PTPRG: variants seen among roughly 807,000 people sequenced by gnomAD.
PTPRG encodes protein tyrosine phosphatase receptor type G.
Under a neutral mutation model 165.3 loss-of-function variants are expected in PTPRG, and 102 were observed. That is an observed-to-expected ratio of 0.62 (90% confidence interval 0.53 to 0.73). The LOEUF (loss-of-function observed/expected upper bound fraction) is 0.73, where lower values mean the gene tolerates loss of function less well. PTPRG is among the 30% of genes least tolerant of loss of function. PTPRG has a pLI of 0.00. For missense variants in PTPRG, 1,866 were observed against 1,861.4 expected, an observed-to-expected ratio of 1.00 and a Z score of -0.05; for synonymous variants, 675 against 669.5, an observed-to-expected ratio of 1.01 and a Z score of -0.13.
intron 2 of PTPRG, among the ~76,000 whole-genome samples, chr3:61,979,475 C>G (rs958844393): frequency 3.3e-5 from 5 of 152,152 alleles, no homozygotes; most frequent in Non-Finnish European, 7.3e-5. Context: ...GAGAAATTAA[C>G]AAAGCTAACA....
intron 1 of PTPRG, among the ~76,000 whole-genome samples, chr3:61,745,760 G>C (rs2033174117): frequency 6.6e-6 from 1 of 152,200 alleles, no homozygotes; most frequent in South Asian, 2.1e-4. Context: ...AAGGCATAGG[G>C]TTGGTTGGTT....
chr3:61,563,906 C>A (rs1330629663), intron 1 of PTPRG, among the ~76,000 whole-genome samples: 1 of 152,200 alleles, frequency 6.6e-6, no homozygotes. Context: ...TATTCTGCAC[C>A]CCCTTTTCTC....
At chr3:62,281,824 C>A in intron 27 of PTPRG, 115 bp downstream of exon 27, 1 of 1,042,386 alleles carries the variant, frequency 9.6e-7, no homozygotes, top group Non-Finnish European at 1.3e-6. Context: ...TTGAGTAAGA[C>A]TTAATTTTAA....
At chr3:62,065,316 C>T (rs140228853) in intron 4 of PTPRG, among the ~76,000 whole-genome samples, 48 of 152,148 alleles carry the variant, frequency 3.2e-4, no homozygotes, top group African/African-American at 1.0e-3. Context: ...CTTGAAGATT[C>T]CAGGGAAGTC....
At chr3:61,701,353 G>A (rs1185628120) in intron 1 of PTPRG, among the ~76,000 whole-genome samples, 2 of 152,198 alleles carry the variant, frequency 1.3e-5, no homozygotes, top group African/African-American at 4.8e-5. Flanking sequence ...GGCACAGGAT[G>A]CTGCTGGGCT....
rs1701487645 is a variant in PTPRG, at chr3:62,254,369, G to A, written c.2468-755G>A. On this transcript the variant is annotated intron_variant, in intron 15 of 29. Transcript: ENST00000474889. This position sits in a 1 kb window ranked among gnomAD's most constrained non-coding sequence, Gnocchi z 4.6. ...AGTTGGGTGTGGCTATTTTATAGCA[G>A]TACTCAAGTATCATGATAAATAAGC... Among the ~76,000 whole-genome samples the A allele has an allele frequency of 6.6e-6, 1 of 152,162 alleles. No homozygotes were observed. The highest frequency in any genetic ancestry group is 1.5e-5 in the Non-Finnish European group (1 of 68,024).
chr3:61,914,537 C>T (rs1004601584), intron 2 of PTPRG, among the ~76,000 whole-genome samples: 1 of 152,160 alleles, frequency 6.6e-6, no homozygotes, highest in African/African-American at 2.4e-5. Context: ...TTTCACGTTC[C>T]GAGTTTAAGC....
chr3:62,223,789 G>GA (rs1700701927), intron 13 of PTPRG, among the ~76,000 whole-genome samples: 1 of 152,040 alleles, frequency 6.6e-6, no homozygotes, highest in African/African-American at 2.4e-5. Context: ...TTTTAATAAG[G>GA]AAAATCAAAT....
intron 4 of PTPRG, among the ~76,000 whole-genome samples, chr3:62,015,453 A>G (rs2041521094): frequency 6.6e-6 from 1 of 152,210 alleles, no homozygotes; most frequent in Admixed American, 6.5e-5. Context: ...TTCAGCAGAG[A>G]ATGTTCTCCA....
At chr3:62,081,114 G>A (rs547049736) in intron 5 of PTPRG, among the ~76,000 whole-genome samples, 4 of 151,830 alleles carry the variant, frequency 2.6e-5, no homozygotes, top group South Asian at 2.1e-4. Flanking sequence ...AAAATTAGCC[G>A]GGCGTGGTGG....
intron 1 of PTPRG, among the ~76,000 whole-genome samples, chr3:61,618,691 A>G (rs1701368038): frequency 6.6e-6 from 1 of 152,222 alleles, no homozygotes; most frequent in African/African-American, 2.4e-5. Flanking sequence ...AATTTTTCTT[A>G]AGGCCTTTTT....
chr3:62,127,673 T>C (rs1703351101), intron 5 of PTPRG, among the ~76,000 whole-genome samples: 1 of 152,208 alleles, frequency 6.6e-6, no homozygotes, highest in Admixed American at 6.5e-5. Context: ...GTAGGTTGTC[T>C]TGACCATCCT....
rs188528130 is a variant in PTPRG at position 62,056,348 on chromosome 3, C to T, written c.520-21815C>T. ...CTTGTCCAACCTGTGACCCACGGAC[C>T]ACATGTAGCCCATGAGGGCTTTGAA... is the stretch of plus-strand genomic sequence containing the variant. On this transcript the variant is annotated intron_variant, in intron 4 of 29. Transcript: ENST00000474889. Among the ~76,000 whole-genome samples the T allele has an allele frequency of 3.4e-4, 52 of 152,252 alleles. 1 individual carries two copies. The highest frequency in any genetic ancestry group is 1.1e-3 in the African/African-American group (44 of 41,546).
intron 1 of PTPRG, among the ~76,000 whole-genome samples, chr3:61,569,438 G>A (rs1700003483): frequency 6.6e-6 from 1 of 152,190 alleles, no homozygotes; most frequent in Admixed American, 6.5e-5. Flanking sequence ...GCTGTGCATG[G>A]TAAACAGTAA....
intron 2 of PTPRG, among the ~76,000 whole-genome samples, chr3:61,976,290 A>C (rs2040503675): frequency 6.6e-6 from 1 of 152,200 alleles, no homozygotes; most frequent in South Asian, 2.1e-4. Context: ...ATTTTTATCA[A>C]ACAGCTTGAC....
chr3:61,846,154 T>G (rs567373036), intron 2 of PTPRG, among the ~76,000 whole-genome samples: 1 of 152,342 alleles, frequency 6.6e-6, no homozygotes, highest in Non-Finnish European at 1.5e-5. Flanking sequence ...GTGTCTAATC[T>G]CTGATAAATG....
chr3:61,860,834 A>G (rs969379768), intron 2 of PTPRG, among the ~76,000 whole-genome samples: 2 of 151,894 alleles, frequency 1.3e-5, no homozygotes, highest in African/African-American at 4.8e-5. Context: ...TACTTTTCCC[A>G]GGGTGTGTGT....
chr3:61,996,145 G>T (rs1435233343), intron 3 of PTPRG, among the ~76,000 whole-genome samples: 1 of 152,102 alleles, frequency 6.6e-6, no homozygotes, highest in African/African-American at 2.4e-5. Flanking sequence ...CTGTGGAGTA[G>T]ATTTTGATAT....
chr3:61,741,445 A>C (rs2032979770), intron 1 of PTPRG, among the ~76,000 whole-genome samples: 1 of 152,130 alleles, frequency 6.6e-6, no homozygotes, highest in Non-Finnish European at 1.5e-5. Flanking sequence ...CTTTGTTCTG[A>C]TGTTTTCAAT....
Sources: gnomAD v4.1 joint callset for allele counts (sites outside exome capture counted in the v4.1 genomes callset) on GRCh38, gnomAD v4.1.1 for gene constraint, Gnocchi (gnomAD v3.1) non-coding constraint, MANE v1.5 for transcripts, NCBI Gene and HGNC (gene_info 2026-07-23, HGNC 2026-07-21) for gene names.